DCC: variants seen among roughly 807,000 people sequenced by gnomAD.
The protein encoded by DCC is DCC netrin 1 receptor.
DCC carries 58 observed loss-of-function variants against 172.5 expected under a neutral mutation model. The ratio of observed to expected loss-of-function variants is 0.34; its 90% CI spans 0.27 to 0.42. DCC has a LOEUF of 0.42. Ranked by LOEUF, DCC falls within the 10% of genes least tolerant of loss-of-function variation. The pLI, the probability that DCC is intolerant of heterozygous loss-of-function variation, is 1.00. For missense variants in DCC, 1,740 were observed against 1,791.0 expected, an observed-to-expected ratio of 0.97 and a Z score of 0.51; for synonymous variants, 709 against 644.5, an observed-to-expected ratio of 1.10 and a Z score of -1.52.
chr18:52,474,745 T>A (rs1303360584), intron 1 of DCC, among the ~76,000 whole-genome samples: 1 of 152,180 alleles, frequency 6.6e-6, no homozygotes, highest in Non-Finnish European at 1.5e-5. Flanking sequence ...AGACCCAGGA[T>A]AAGAATTCAG....
At chr18:52,956,588 C>T (rs118029594) in intron 5 of DCC, among the ~76,000 whole-genome samples, 1,589 of 152,042 alleles carry the variant, frequency 0.01, 12 homozygotes, top group Middle Eastern at 0.017. Context: ...GGGTCTTTTG[C>T]CTTTCCATAT....
chr18:53,152,441 C>A (rs917588288), intron 7 of DCC, among the ~76,000 whole-genome samples: 1 of 152,002 alleles, frequency 6.6e-6, no homozygotes, highest in Non-Finnish European at 1.5e-5. Flanking sequence ...TCATTGTTAC[C>A]AAGGCTATTG....
intron 2 of DCC, among the ~76,000 whole-genome samples, chr18:52,878,511 G>A (rs553634419): frequency 7.2e-5 from 11 of 152,200 alleles, no homozygotes; most frequent in Non-Finnish European, 1.3e-4. Flanking sequence ...ATGCACATGC[G>A]TTTAATTCTG....
chr18:52,911,840 C>G (rs2039975468), intron 3 of DCC, among the ~76,000 whole-genome samples: 1 of 151,856 alleles, frequency 6.6e-6, no homozygotes, highest in South Asian at 2.1e-4. Flanking sequence ...TGCACTTAGC[C>G]TTTCATAGAT....
At chr18:53,320,089 T>G (rs1284017185) in intron 13 of DCC, among the ~76,000 whole-genome samples, 4 of 149,552 alleles carry the variant, frequency 2.7e-5, no homozygotes, top group Admixed American at 1.3e-4. Context: ...TTTTTTTTTT[T>G]TGAGATGGAG....
intron 27 of DCC, among the ~76,000 whole-genome samples, chr18:53,503,093 C>T (rs2046124616): frequency 6.6e-6 from 1 of 152,102 alleles, no homozygotes; most frequent in Non-Finnish European, 1.5e-5. Flanking sequence ...CACCATCAGT[C>T]TGTGCCTTAG....
At chr18:52,837,886 G>A (rs922798107) in intron 2 of DCC, among the ~76,000 whole-genome samples, 30 of 152,130 alleles carry the variant, frequency 2.0e-4, no homozygotes, top group African/African-American at 7.0e-4. Context: ...GGGAGGCTTT[G>A]GGAAACTTAC....
At chr18:52,438,649 T>C (rs1433154432) in intron 1 of DCC, among the ~76,000 whole-genome samples, 1 of 152,176 alleles carries the variant, frequency 6.6e-6, no homozygotes, top group South Asian at 2.1e-4. Flanking sequence ...GCTTGAGACA[T>C]AAATTAAAAT....
chr18:53,516,040 C>A (rs2046330008), intron 27 of DCC, among the ~76,000 whole-genome samples: 1 of 147,036 alleles, frequency 6.8e-6, no homozygotes, highest in Non-Finnish European at 1.5e-5. Context: ...CACTACCTGA[C>A]TTCAAACTAT....
At chr18:52,622,452 C>T (rs1461299609) in intron 1 of DCC, among the ~76,000 whole-genome samples, 1 of 152,190 alleles carries the variant, frequency 6.6e-6, no homozygotes, top group Non-Finnish European at 1.5e-5. Context: ...CAGCAAGATC[C>T]CACGTGATAC....
Position 52,770,510 on chromosome 18 carries a change from G to A in DCC, c.412+18136G>A, listed in dbSNP as rs993574595. Among the ~76,000 whole-genome samples the A allele has an allele frequency of 2.6e-5, 4 of 152,150 alleles. No individual in the cohort carries two copies. The East Asian group carries it at 7.7e-4, about 29-fold the overall frequency. On this transcript the variant is annotated intron_variant, in intron 2 of 28. Transcript: ENST00000442544. ...ACATGCCTTCCTCACTAGAGTGAAG[G>A]CTTCCTGAGAGCAGTCAGAATCATA...
chr18:53,023,358 T>A lies in DCC; in HGVS notation c.986-39947T>A, dbSNP rs199829264. On this transcript the variant is annotated intron_variant, in intron 5 of 28. Coordinates refer to ENST00000442544, the MANE Select transcript of DCC (RefSeq NM_005215.4). ...TAATAAAAAAAAAACATAAAAAAAA[T>A]AAAAATAAAAATAAAAAGGACAAAC... is the stretch of plus-strand genomic sequence containing the variant. 7.0e-3 allele frequency among the ~76,000 whole-genome samples: 284 copies of A among 40,776 alleles called. 1 individual carries two copies. The highest frequency in any genetic ancestry group is 0.024 in the African/African-American group (266 of 11,172). 26.8% of individuals were successfully genotyped at this position (40,776 alleles called of 152,430 possible). A position where few individuals can be genotyped will look rare whatever the true frequency, so the allele number is the denominator to read the frequency against.
intron 5 of DCC, among the ~76,000 whole-genome samples, chr18:52,957,766 T>A (rs2040770168): frequency 6.6e-6 from 1 of 152,066 alleles, no homozygotes; most frequent in Non-Finnish European, 1.5e-5. Flanking sequence ...GTGCTCCATG[T>A]GCGAAGAACT....
chr18:53,098,627 C>T (rs1478964479), intron 7 of DCC, among the ~76,000 whole-genome samples: 1 of 152,088 alleles, frequency 6.6e-6, no homozygotes, highest in Non-Finnish European at 1.5e-5. Context: ...ATCAATTTGT[C>T]CCATGATTGA....
intron 1 of DCC, among the ~76,000 whole-genome samples, chr18:52,653,130 T>C (rs752533716): frequency 6.6e-6 from 1 of 152,224 alleles, no homozygotes; most frequent in Middle Eastern, 3.4e-3. Context: ...ATTTCAGAGA[T>C]TAGGAAGAAA....
intron 7 of DCC, among the ~76,000 whole-genome samples, chr18:53,102,297 A>C (rs964550167): frequency 6.6e-6 from 1 of 152,102 alleles, no homozygotes; most frequent in Non-Finnish European, 1.5e-5. Context: ...TGTTCGTCCT[A>C]TTTTTAAAAA....
intron 17 of DCC, among the ~76,000 whole-genome samples, chr18:53,393,292 A>T (rs72931320): frequency 1.3e-5 from 2 of 152,126 alleles, no homozygotes; most frequent in African/African-American, 4.8e-5. Flanking sequence ...TTCACATTTC[A>T]TCATAAATCA....
chr18:53,104,891 G>T (rs1284293292), intron 7 of DCC, among the ~76,000 whole-genome samples: 1 of 152,014 alleles, frequency 6.6e-6, no homozygotes, highest in East Asian at 1.9e-4. Flanking sequence ...CTCCTAGAGA[G>T]GTTCTATGCA....
At chr18:52,568,028 G>T (rs2033203094) in intron 1 of DCC, among the ~76,000 whole-genome samples, 1 of 151,984 alleles carries the variant, frequency 6.6e-6, no homozygotes, top group South Asian at 2.1e-4. Flanking sequence ...TCAATTTTTT[G>T]GTTTTCATAA....
Sources: gnomAD v4.1 joint callset for allele counts (sites outside exome capture counted in the v4.1 genomes callset) on GRCh38, gnomAD v4.1.1 for gene constraint, MANE v1.5 for transcripts, NCBI Gene and HGNC (gene_info 2026-07-23, HGNC 2026-07-21) for gene names.